The following ALKBH8 variants were observed in gnomAD, a reference collection of about 807,000 sequenced individuals.
ALKBH8 encodes the protein alkB homolog 8, tRNA methyltransferase, also known as tRNA (carboxymethyluridine(34)-5-O)-methyltransferase ALKBH8.
In ALKBH8, 36 loss-of-function variants were observed where a neutral mutation model predicts 59.8. That is an observed-to-expected ratio of 0.60 (90% CI 0.46 to 0.79). The LOEUF (loss-of-function observed/expected upper bound fraction) is 0.79. Ranked by LOEUF, ALKBH8 falls within the 30% of genes least tolerant of loss-of-function variation. The probability of loss-of-function intolerance (pLI) is 0.00; values close to 1 mark genes in which losing one functional copy is unlikely to be tolerated. For missense variants in ALKBH8, 768 were observed against 801.0 expected (o/e 0.96, Z 0.50); for synonymous variants, 276 against 273.6 (o/e 1.01, Z -0.09).
intron 11 of ALKBH8, among the ~76,000 whole-genome samples, chr11:107,506,226 A>G (rs1862378599): frequency 6.6e-6 from 1 of 152,202 alleles, no homozygotes; most frequent in African/African-American, 2.4e-5. Flanking sequence ...CATCCCCAAT[A>G]AAGCATAAAA....
In ALKBH8 at chr11:107,504,869, G is replaced by A; in HGVS notation, c.1784C>T (p.Pro595Leu). The change falls in exon 12 of 12, where the codon CCC becomes CTC. Residue 595 changes from proline to leucine, a missense_variant. Transcript: ENST00000428149. ...ATCAGGATTTCCCTTAAGGTGCCAG[G>A]GAACCAGTACATCTTGAGAATAAAA... Reference protein sequence around the residue: ...TSFYSQDVLVPWHLKGNPDKG... With the variant: ...TSFYSQDVLVLWHLKGNPDKG... 6.4e-7 allele frequency: 1 copy of A among 1,551,742 alleles called. No homozygotes were observed. Among genetic ancestry groups the A allele is most frequent in the Non-Finnish European group, 8.7e-7 (1 of 1,146,974 alleles).
chr11:107,516,280 C>T lies in ALKBH8; in HGVS notation c.1288-5244G>A, dbSNP rs954656536. 4.6e-5 allele frequency among the ~76,000 whole-genome samples: 7 copies of T among 152,306 alleles called. 1 individual carries two copies. The South Asian group carries it at 8.3e-4, about 18-fold the overall frequency. On this transcript the variant is annotated intron_variant, in intron 10 of 11. Coordinates refer to ENST00000428149, the MANE Select transcript of ALKBH8 (RefSeq NM_138775.3). ...TGACTCTCAATATACATGTTCATTA[C>T]GGTGTTATTTAGAATACTTCCAAAC... is the stretch of plus-strand genomic sequence containing the variant.
At chr11:107,549,718 A>C in intron 7 of ALKBH8, 35 bp downstream of exon 7, 3 of 1,401,960 alleles carry the variant, frequency 2.1e-6, no homozygotes, top group Non-Finnish European at 3.0e-6. Context: ...ACAAGGTAAG[A>C]TATATGATGA....
At position 107,556,850 on chromosome 11, in the gene ALKBH8, T is replaced by C; in HGVS notation, c.283A>G (p.Arg95Gly). The C allele has an allele frequency of 1.3e-6, 2 of 1,596,068 alleles. No individual in the cohort carries two copies. Among genetic ancestry groups the C allele is most frequent in the Non-Finnish European group, 1.7e-6 (2 of 1,171,458 alleles). ...TTTCCATTGAGGGTAACATAGGCTCTCTTAGATTCTTCTGTAGTTCTGTAT... is the reference window on the plus strand; with the variant it reads ...TTTCCATTGAGGGTAACATAGGCTCCCTTAGATTCTTCTGTAGTTCTGTAT... ...ARYRTTEESK[R>G]AYVTLNGKEV... Residue 95 changes from arginine (R) to glycine (G), a missense_variant, in exon 3 of 12, where the codon AGA becomes GGA. Arg to Gly is a moderately radical substitution (Grantham distance 125). Transcript: ENST00000428149.
intron 1 of ALKBH8, among the ~76,000 whole-genome samples, chr11:107,562,060 G>T (rs1311013809): frequency 1.3e-5 from 2 of 152,128 alleles, no homozygotes; most frequent in Non-Finnish European, 2.9e-5. Flanking sequence ...ATCTTTAGGA[G>T]GCCAAGGCAG....
intron 8 of ALKBH8, among the ~76,000 whole-genome samples, chr11:107,531,156 G>A (rs1381724077): frequency 2.0e-5 from 3 of 151,810 alleles, no homozygotes; most frequent in African/African-American, 7.2e-5. Context: ...CACAAAATCA[G>A]GTCATCATTT....
chr11:107,537,325 C>A (rs1863859465), intron 7 of ALKBH8, among the ~76,000 whole-genome samples: 1 of 152,146 alleles, frequency 6.6e-6, no homozygotes, highest in Non-Finnish European at 1.5e-5. Context: ...CAATGATAGA[C>A]TAGAACAAGA....
chr11:107,505,777 A>C (rs1365558355), intron 11 of ALKBH8, among the ~76,000 whole-genome samples: 1 of 152,074 alleles, frequency 6.6e-6, no homozygotes, highest in Non-Finnish European at 1.5e-5. Context: ...CTCTAGATTC[A>C]CTCCAGCTTT....
At position 107,529,742 on chromosome 11, in the gene ALKBH8, T is replaced by C. The variant is rs192920983; in HGVS notation, c.878+2558A>G. On this transcript the variant is annotated intron_variant, in intron 8 of 11. Transcript: ENST00000428149. ...CTGGTCTCGGACTCCTGACCTGTGA[T>C]CCACCCGCCTTGGCCTCCCAAAGTG... Among the ~76,000 whole-genome samples, 431 of 152,148 alleles carry C rather than the reference T, an allele frequency of 2.8e-3. 2 individuals are homozygous for C. Among genetic ancestry groups the C allele is most frequent in the African/African-American group, 9.7e-3 (402 of 41,432 alleles).
At chr11:107,523,985 A>G (rs1255271271) in intron 9 of ALKBH8, among the ~76,000 whole-genome samples, 4 of 152,198 alleles carry the variant, frequency 2.6e-5, no homozygotes, top group Non-Finnish European at 5.9e-5. Context: ...CAATTGAGCC[A>G]TTCCACAATA....
chr11:107,564,667 A>G lies in ALKBH8; in HGVS notation c.-7+934T>C, dbSNP rs140077650. Reference sequence around the variant, plus strand: ...AAGAAAATAAAGATTTAAAATTTTTAGAAAAAAATTCACCCCATCACTTGT... The same window carrying G: ...AAGAAAATAAAGATTTAAAATTTTTGGAAAAAAATTCACCCCATCACTTGT... On this transcript the variant is annotated intron_variant, in intron 1 of 11. Coordinates refer to ENST00000428149, the MANE Select transcript of ALKBH8 (RefSeq NM_138775.3). Among the ~76,000 whole-genome samples the G allele has an allele frequency of 3.9e-3, 600 of 152,328 alleles. 3 individuals are homozygous for G. The highest frequency in any genetic ancestry group is 0.013 in the African/African-American group (550 of 41,574).
chr11:107,505,282 CA>C, intron 11 of ALKBH8, 67 bp from the exon 12 acceptor site: 2 of 1,246,818 alleles, frequency 1.6e-6, no homozygotes, highest in Non-Finnish European at 2.2e-6. Flanking sequence ...TAAAACTGAC[CA>C]TAGGACTGTT....
intron 10 of ALKBH8, among the ~76,000 whole-genome samples, chr11:107,516,042 A>T (rs946114710): frequency 6.6e-6 from 1 of 152,236 alleles, no homozygotes; most frequent in African/African-American, 2.4e-5. Flanking sequence ...CTGAGTACGC[A>T]TATAGATTAA....
chr11:107,554,969 A>G (rs1161320757), intron 3 of ALKBH8, among the ~76,000 whole-genome samples: 10 of 152,210 alleles, frequency 6.6e-5, no homozygotes, highest in African/African-American at 2.2e-4. Flanking sequence ...GCATTAAACT[A>G]TTTGTGATGG....
intron 2 of ALKBH8, among the ~76,000 whole-genome samples, chr11:107,560,201 C>A (rs1241188839): frequency 6.6e-6 from 1 of 152,170 alleles, no homozygotes; most frequent in South Asian, 2.1e-4. Context: ...TCACGATCCT[C>A]ACATTTATCA....
chr11:107,520,216 C>T (rs1863050068), intron 10 of ALKBH8, among the ~76,000 whole-genome samples: 1 of 152,180 alleles, frequency 6.6e-6, no homozygotes, highest in Admixed American at 6.5e-5. Flanking sequence ...TAAGCTTCTA[C>T]CATGTGCCAA....
At position 107,546,622 on chromosome 11, in the gene ALKBH8, A is replaced by G. The variant is rs149845272; in HGVS notation, c.771+3131T>C. Among the ~76,000 whole-genome samples the G allele has an allele frequency of 1.0e-3, 153 of 152,266 alleles. 1 individual carries two copies. Among genetic ancestry groups the G allele is most frequent in the African/African-American group, 3.6e-3 (148 of 41,562 alleles). Reference sequence around the variant, plus strand: ...ACTTTTGGAACCAGCCTTCCTTGAGATATCTTGTTATATGAGATATTAACT... The same window carrying G: ...ACTTTTGGAACCAGCCTTCCTTGAGGTATCTTGTTATATGAGATATTAACT... On this transcript the variant is annotated intron_variant, in intron 7 of 11. Coordinates refer to ENST00000428149, the MANE Select transcript of ALKBH8 (RefSeq NM_138775.3).
chr11:107,542,962 T>C (rs1412355927), intron 7 of ALKBH8, among the ~76,000 whole-genome samples: 1 of 151,986 alleles, frequency 6.6e-6, no homozygotes, highest in African/African-American at 2.4e-5. Context: ...AGTGGGGTCA[T>C]TAACCAGAGC....
Position 107,510,922 on chromosome 11 carries a change from T to G in ALKBH8, c.1402A>C (p.Ile468Leu). Reference protein sequence around the residue: ...PVRSGSCDACISIAVIHHFAT... With the variant: ...PVRSGSCDACLSIAVIHHFAT... ...AAATGATGAATAACAGCAATGGAGATGCAGGCATCACAAGACCCACTGCGG... is the reference window on the plus strand; with the variant it reads ...AAATGATGAATAACAGCAATGGAGAGGCAGGCATCACAAGACCCACTGCGG... The change falls in exon 11 of 12, where the codon ATC (isoleucine) becomes CTC (leucine). Residue 468 changes from isoleucine (I) to leucine (L), a missense_variant. Ile to Leu is a conservative substitution (Grantham distance 5). Transcript: ENST00000428149. 6.4e-7 allele frequency: 1 copy of G among 1,551,704 alleles called. No homozygotes were observed. The highest frequency in any genetic ancestry group is 1.2e-5 in the South Asian group (1 of 84,048).
Sources: allele counts gnomAD v4.1 joint callset (sites outside exome capture counted in the v4.1 genomes callset), GRCh38; gene constraint gnomAD v4.1.1; transcripts MANE v1.5; gene names NCBI Gene and HGNC (gene_info 2026-07-23, HGNC 2026-07-21).